PDE4D: variants seen among roughly 807,000 people sequenced by gnomAD.
The protein encoded by PDE4D is 3',5'-cyclic-AMP phosphodiesterase 4D.
A neutral mutation model predicts 87.4 loss-of-function variants in PDE4D; 24 were observed. The observed-to-expected ratio is 0.27, with a 90% CI of 0.20 to 0.39. The LOEUF (loss-of-function observed/expected upper bound fraction) is 0.39, where lower values mean the gene tolerates loss of function less well. PDE4D is among the 10% of genes least tolerant of loss of function. The pLI, the probability that PDE4D is intolerant of heterozygous loss-of-function variation, is 1.00. For synonymous variants in PDE4D, 384 were observed against 383.2 expected (o/e 1.00, Z -0.02); for missense variants, 714 against 1,041.0 (o/e 0.69, Z 4.32).
At chr5:59,170,329 T>C (rs924581496) in intron 5 of PDE4D, among the ~76,000 whole-genome samples, 1 of 152,172 alleles carries the variant, frequency 6.6e-6, no homozygotes, top group Non-Finnish European at 1.5e-5. Context: ...AAGGGTAGTT[T>C]TTCTGATCAT....
At chr5:59,038,459 C>CAGAA (rs1758947577) in intron 6 of PDE4D, among the ~76,000 whole-genome samples, 2 of 152,154 alleles carry the variant, frequency 1.3e-5, no homozygotes, top group Admixed American at 1.3e-4. Flanking sequence ...TCGATGAACT[C>CAGAA]TTCTGAGTTT....
chr5:59,989,876 T>C (rs958433294), intron 2 of PDE4D, among the ~76,000 whole-genome samples: 1 of 152,188 alleles, frequency 6.6e-6, no homozygotes, highest in African/African-American at 2.4e-5. Context: ...ACTTTACTAT[T>C]TGTATTGATA....
At chr5:59,820,689 C>CA (rs910577018) in intron 1 of PDE4D, among the ~76,000 whole-genome samples, 1 of 151,974 alleles carries the variant, frequency 6.6e-6, no homozygotes, top group African/African-American at 2.4e-5. Context: ...AGTTGTTTTG[C>CA]AAAAAAATGA....
At chr5:59,065,063 TATATACACACACAC>T (rs796648164) in intron 5 of PDE4D, among the ~76,000 whole-genome samples, 4,058 of 109,298 alleles carry the variant, frequency 0.037, 140 homozygotes, top group African/African-American at 0.11. Flanking sequence ...ATGTGATATA[TATATACACACACAC>T]ACACACACAC....
chr5:59,956,255 A>G (rs1445527768), intron 3 of PDE4D, among the ~76,000 whole-genome samples: 1 of 151,954 alleles, frequency 6.6e-6, no homozygotes, highest in East Asian at 1.9e-4. Context: ...ACTAATAACA[A>G]CCTTCAGCCT....
chr5:60,404,745 G>A (rs553878985), intron 1 of PDE4D, among the ~76,000 whole-genome samples: 1 of 152,368 alleles, frequency 6.6e-6, no homozygotes, highest in South Asian at 2.1e-4. Flanking sequence ...TCCGTAACAT[G>A]ACATCATAAT....
chr5:59,994,114 T>G (rs1763290204), intron 2 of PDE4D, among the ~76,000 whole-genome samples: 1 of 151,988 alleles, frequency 6.6e-6, no homozygotes, highest in South Asian at 2.1e-4. Context: ...TGTTTAATTT[T>G]TTTTCTTTCA....
intron 1 of PDE4D, among the ~76,000 whole-genome samples, chr5:60,424,042 T>A (rs1583709890): frequency 6.6e-6 from 1 of 152,170 alleles, no homozygotes; most frequent in East Asian, 1.9e-4. Flanking sequence ...AAGGCAATAA[T>A]TAATAGCCTA....
chr5:59,977,767 T>C (rs1190385992), intron 3 of PDE4D, among the ~76,000 whole-genome samples: 1 of 152,180 alleles, frequency 6.6e-6, no homozygotes, highest in Admixed American at 6.5e-5. Flanking sequence ...GAAAAGTCAA[T>C]GCCTGGCTTC....
chr5:59,773,714 TA>T (rs1220002680), intron 1 of PDE4D, among the ~76,000 whole-genome samples: 1 of 152,220 alleles, frequency 6.6e-6, no homozygotes, highest in East Asian at 1.9e-4. Flanking sequence ...TCATCATGAT[TA>T]TTTTTCATTA....
intron 1 of PDE4D, among the ~76,000 whole-genome samples, chr5:59,592,550 T>C (rs1826059748): frequency 6.6e-6 from 1 of 152,140 alleles, no homozygotes; most frequent in African/African-American, 2.4e-5. Context: ...TAAAAAGCCA[T>C]TTTGGATCAT....
At chr5:59,563,517 A>C (rs544560562) in intron 1 of PDE4D, among the ~76,000 whole-genome samples, 1 of 152,358 alleles carries the variant, frequency 6.6e-6, no homozygotes, top group African/African-American at 2.4e-5. Flanking sequence ...ATAAGTGACC[A>C]TTAGTGAGTG....
intron 1 of PDE4D, among the ~76,000 whole-genome samples, chr5:59,692,280 G>T (rs187198614): frequency 6.6e-6 from 1 of 152,052 alleles, no homozygotes; most frequent in African/African-American, 2.4e-5. Flanking sequence ...TTAAGGATCC[G>T]CTTTTTATTG....
chr5:60,021,141 A>G (rs1475837892), intron 2 of PDE4D: 1 of 152,238 alleles, frequency 6.6e-6, no homozygotes, highest in Non-Finnish European at 1.5e-5. Flanking sequence ...CAAAGGAACT[A>G]TAAGGGGAAA....
At chr5:59,250,900 C>T (rs542393570) in intron 1 of PDE4D, among the ~76,000 whole-genome samples, 32 of 152,120 alleles carry the variant, frequency 2.1e-4, no homozygotes, top group Admixed American at 9.2e-4. Flanking sequence ...ATCTGATCTT[C>T]GACAAAGCTA....
chr5:59,728,968 G>A (rs1756995464), intron 1 of PDE4D, among the ~76,000 whole-genome samples: 3 of 152,142 alleles, frequency 2.0e-5, no homozygotes, highest in African/African-American at 7.2e-5. Context: ...TGTTATTAAT[G>A]TGAAAGTGTT....
At chr5:60,265,194 T>C (rs919317336) in intron 1 of PDE4D, among the ~76,000 whole-genome samples, 1 of 152,154 alleles carries the variant, frequency 6.6e-6, no homozygotes, top group Non-Finnish European at 1.5e-5. Context: ...GCTAGTCATA[T>C]CTACTCACAG....
intron 5 of PDE4D, among the ~76,000 whole-genome samples, chr5:59,114,349 A>G (rs11744259): frequency 0.034 from 5,174 of 152,132 alleles, 136 homozygotes; most frequent in Non-Finnish European, 0.053. Context: ...TTTTTATTTT[A>G]TTTTCTGAAC....
intron 5 of PDE4D, among the ~76,000 whole-genome samples, chr5:59,121,475 G>A (rs1774490374): frequency 6.6e-6 from 1 of 151,886 alleles, no homozygotes; most frequent in Non-Finnish European, 1.5e-5. Context: ...TCAAGGAAAT[G>A]CAAATTGATA....
Sources: allele counts gnomAD v4.1 joint callset (sites outside exome capture counted in the v4.1 genomes callset), GRCh38; gene constraint gnomAD v4.1.1; transcripts MANE v1.5; gene names NCBI Gene and HGNC (gene_info 2026-07-23, HGNC 2026-07-21).